The following NELL2 variants were observed in gnomAD, a reference collection of about 807,000 sequenced individuals.
NELL2 encodes protein kinase C-binding protein NELL2.
A neutral mutation model predicts 109.6 loss-of-function variants in NELL2; 41 were observed. The observed-to-expected ratio is 0.37, with a 90% CI of 0.29 to 0.49. NELL2 has a LOEUF of 0.49. Ranked by LOEUF, NELL2 falls within the 20% of genes least tolerant of loss-of-function variation. NELL2 has a pLI of 0.98. For synonymous variants in NELL2, 355 were observed against 344.7 expected (o/e 1.03, Z -0.33); for missense variants, 900 against 1,008.3 (o/e 0.89, Z 1.45).
At chr12:44,830,530 G>T (rs1943853064) in intron 2 of NELL2, among the ~76,000 whole-genome samples, 1 of 152,054 alleles carries the variant, frequency 6.6e-6, no homozygotes, top group Admixed American at 6.6e-5. Flanking sequence ...GTACCACAGG[G>T]CATGGGGCAC....
At chr12:44,878,985 A>G (rs563994787), upstream of NELL2, among the ~76,000 whole-genome samples, 5 of 152,310 alleles carry the variant, frequency 3.3e-5, 1 homozygote, top group African/African-American at 1.2e-4. Flanking sequence ...TAACCTTAAA[A>G]TAGGAAGATT....
chr12:44,917,333 C>T (rs1945836258), upstream of NELL2, among the ~76,000 whole-genome samples: 1 of 152,194 alleles, frequency 6.6e-6, no homozygotes, highest in South Asian at 2.1e-4. Context: ...GAAACCCAGC[C>T]CAACCACTTC....
intron 1 of NELL2, among the ~76,000 whole-genome samples, chr12:44,912,202 T>C (rs1339946606): frequency 6.6e-6 from 1 of 151,948 alleles, no homozygotes; most frequent in Admixed American, 6.6e-5. Flanking sequence ...GGAGAGACAA[T>C]GGATGATGAA....
At chr12:44,793,368 TATA>T (rs1260391127) in intron 3 of NELL2, among the ~76,000 whole-genome samples, 1 of 152,232 alleles carries the variant, frequency 6.6e-6, no homozygotes, top group Non-Finnish European at 1.5e-5. Context: ...TAATGAGTTC[TATA>T]ATAATAAAGT....
intron 15 of NELL2, among the ~76,000 whole-genome samples, chr12:44,536,983 C>A: frequency 9.5e-6 from 1 of 105,540 alleles, no homozygotes; most frequent in African/African-American, 3.6e-5. Context: ...AAAAACAAAC[C>A]AACAGGCAAA....
At chr12:44,723,954 A>C (rs973762454) in intron 9 of NELL2, among the ~76,000 whole-genome samples, 1 of 152,122 alleles carries the variant, frequency 6.6e-6, no homozygotes, top group African/African-American at 2.4e-5. Flanking sequence ...TGTTCACTGC[A>C]GCACTATTCA....
intron 13 of NELL2, among the ~76,000 whole-genome samples, chr12:44,654,681 G>A (rs1292859283): frequency 2.0e-5 from 3 of 152,156 alleles, no homozygotes; most frequent in Non-Finnish European, 4.4e-5. Context: ...CAGGAGAGAT[G>A]AGGCTTCTGA....
At chr12:44,861,524 C>T (rs1432643358) in intron 2 of NELL2, among the ~76,000 whole-genome samples, 1 of 152,192 alleles carries the variant, frequency 6.6e-6, no homozygotes, top group Non-Finnish European at 1.5e-5. Flanking sequence ...AGACCCATCC[C>T]AGAAACAAGC....
intron 19 of NELL2, among the ~76,000 whole-genome samples, chr12:44,518,119 A>C (rs921572854): frequency 1.3e-5 from 2 of 152,260 alleles, no homozygotes; most frequent in Admixed American, 1.3e-4. Flanking sequence ...TCTATGAATC[A>C]GTACTTATCT....
intron 10 of NELL2, among the ~76,000 whole-genome samples, chr12:44,712,543 A>G (rs1938261076): frequency 6.6e-6 from 1 of 152,020 alleles, no homozygotes; most frequent in South Asian, 2.1e-4. Flanking sequence ...ACAAACAGGG[A>G]CTCGAATTGA....
intron 15 of NELL2, among the ~76,000 whole-genome samples, chr12:44,558,684 C>G (rs1245017516): frequency 6.6e-6 from 1 of 152,170 alleles, no homozygotes; most frequent in Non-Finnish European, 1.5e-5. Context: ...AAACCACGGA[C>G]CAGGAGATTC....
intron 9 of NELL2, among the ~76,000 whole-genome samples, chr12:44,746,836 T>G (rs1324842463): frequency 6.6e-6 from 1 of 152,140 alleles, no homozygotes; most frequent in Non-Finnish European, 1.5e-5. Context: ...TAGGAACACT[T>G]TTACACTGTT....
At chr12:44,730,401 T>G (rs1390842499) in intron 9 of NELL2, among the ~76,000 whole-genome samples, 1 of 152,096 alleles carries the variant, frequency 6.6e-6, no homozygotes, top group Non-Finnish European at 1.5e-5. Flanking sequence ...AAAACAAGTC[T>G]TAACAAATTT....
intron 13 of NELL2, among the ~76,000 whole-genome samples, chr12:44,660,787 GATCTGAAATGAGT>G (rs67808312): frequency 0.16 from 24,568 of 152,086 alleles, 2,055 homozygotes; most frequent in East Asian, 0.21. Context: ...ATGTGAGGAA[GATCTGAAATGAGT>G]GTCTCTTCAC....
chr12:44,610,219 C>G (rs978914255), intron 14 of NELL2, among the ~76,000 whole-genome samples: 1 of 150,028 alleles, frequency 6.7e-6, no homozygotes, highest in Non-Finnish European at 1.5e-5. Context: ...TCCACAGTAG[C>G]CTCCGACAGC....
chr12:44,864,593 T>C (rs916693624), intron 2 of NELL2, among the ~76,000 whole-genome samples: 2 of 152,114 alleles, frequency 1.3e-5, no homozygotes, highest in Non-Finnish European at 2.9e-5. Flanking sequence ...AAAGAAGAGA[T>C]AGACTGCAAT....
intron 19 of NELL2, among the ~76,000 whole-genome samples, chr12:44,512,483 C>T (rs1485047490): frequency 6.8e-6 from 1 of 148,102 alleles, no homozygotes; most frequent in Non-Finnish European, 1.5e-5. Flanking sequence ...TGGGTTTTTA[C>T]TGAAAGGAAA....
At chr12:44,657,571 C>A (rs773046616) in intron 13 of NELL2, among the ~76,000 whole-genome samples, 2 of 152,112 alleles carry the variant, frequency 1.3e-5, no homozygotes, top group Non-Finnish European at 2.9e-5. Context: ...TGGTGGTTTG[C>A]TGCACCCATC....
chr12:44,702,478 T>C (rs529759344), intron 12 of NELL2, among the ~76,000 whole-genome samples: 1 of 152,300 alleles, frequency 6.6e-6, no homozygotes, highest in South Asian at 2.1e-4. Flanking sequence ...CAAAACAAAG[T>C]ATCACATGAA....
Sources: allele counts gnomAD v4.1 joint callset (sites outside exome capture counted in the v4.1 genomes callset), GRCh38; gene constraint gnomAD v4.1.1; transcripts MANE v1.5; gene names NCBI Gene and HGNC (gene_info 2026-07-23, HGNC 2026-07-21).